Variants in HSF2 observed in about 807,000 individuals in gnomAD.
HSF2 encodes the protein heat shock transcription factor 2.
In HSF2, 21 loss-of-function variants were observed where a neutral mutation model predicts 65.0. The observed-to-expected ratio is 0.32, with a 90% CI of 0.23 to 0.47. The LOEUF is 0.47. Among genes scored for constraint, HSF2 ranks in the 20% least tolerant of loss-of-function variants. The pLI is 1.00. For missense variants in HSF2, 499 were observed against 628.1 expected, an observed-to-expected ratio of 0.79 and a Z score of 2.20; for synonymous variants, 225 against 219.1, an observed-to-expected ratio of 1.03 and a Z score of -0.24.
In HSF2 at chr6:122,422,790, T is replaced by C. The variant is rs140579788; in HGVS notation, c.903T>C (p.Ser301=). The C allele has an allele frequency of 6.6e-5, 106 of 1,613,356 alleles. 1 individual carries two copies. The African/African-American group carries it at 1.1e-3, about 17-fold the overall frequency. Residue 301 remains serine (S), a synonymous_variant, in exon 9 of 13, where the codon AGT becomes AGC. Coordinates refer to ENST00000368455, the MANE Select transcript of HSF2 (RefSeq NM_004506.4). The part of the protein sequence containing the change: ...NEDEYAPVIQ[S]GEQNEPARES... ...ATGAGTATGCACCTGTCATTCAGAG[T>C]GGAGAGCAGAATGAACCAGCCAGAG...
chr6:122,424,282 C>G (rs1229559254), intron 10 of HSF2, among the ~76,000 whole-genome samples: 3 of 152,040 alleles, frequency 2.0e-5, no homozygotes, highest in Non-Finnish European at 4.4e-5. Context: ...CTTGTTCCTG[C>G]TATTCCTCCC....
chr6:122,412,181 A>G (rs1191123937), intron 1 of HSF2, among the ~76,000 whole-genome samples, 192 bp from the exon 2 acceptor site: 2 of 151,974 alleles, frequency 1.3e-5, no homozygotes, highest in Non-Finnish European at 2.9e-5. Flanking sequence ...GTTGACATCA[A>G]AAAGCTTAGT....
chr6:122,407,638 C>T (rs1004005878), intron 1 of HSF2, among the ~76,000 whole-genome samples: 10 of 151,142 alleles, frequency 6.6e-5, no homozygotes, highest in African/African-American at 2.2e-4. Flanking sequence ...TCTACATATT[C>T]GAGTTTATGT....
chr6:122,406,030 T>C (rs1030151398), intron 1 of HSF2, among the ~76,000 whole-genome samples: 2 of 152,200 alleles, frequency 1.3e-5, no homozygotes, highest in African/African-American at 4.8e-5. Context: ...CTGCAGAAGC[T>C]TGCCAAGGAT....
At chr6:122,409,609 G>A (rs1336654720) in intron 1 of HSF2, among the ~76,000 whole-genome samples, 1 of 151,906 alleles carries the variant, frequency 6.6e-6, no homozygotes, top group African/African-American at 2.4e-5. Flanking sequence ...TATTGTCAAG[G>A]GTTGTAAATT....
intron 10 of HSF2, among the ~76,000 whole-genome samples, chr6:122,427,520 G>T (rs1432706329): frequency 6.6e-6 from 1 of 151,970 alleles, no homozygotes; most frequent in Non-Finnish European, 1.5e-5. Flanking sequence ...TTCAGTGAAG[G>T]CTCAGTGTCA....
Position 122,422,269 on chromosome 6 carries a change from T to A in HSF2, c.801T>A (p.Thr267=), listed in dbSNP as rs1453772394. The A allele has an allele frequency of 2.5e-6, 4 of 1,599,260 alleles. No individual in the cohort carries two copies. In the Admixed American group the frequency reaches 6.7e-5, roughly 27 times the overall value. The change falls in exon 8 of 13, where the codon ACT becomes ACA. Residue 267 remains threonine (T), a synonymous_variant. Transcript: ENST00000368455. The part of the protein sequence containing the change: ...DEENIPVIPE[T]NEDVISDPSN... Reference sequence around the variant, plus strand: ...AAAATATCCCAGTTATTCCAGAAACTAATGAGGATGTTATATCTGATCCCT... The same window carrying A: ...AAAATATCCCAGTTATTCCAGAAACAAATGAGGATGTTATATCTGATCCCT...
chr6:122,399,615 G>T (rs939059574), upstream of HSF2: 78 of 752,216 alleles, frequency 1.0e-4, 1 homozygote, highest in Non-Finnish European at 1.6e-4. Context: ...GGGTTGGGGG[G>T]GCGGGGACCA....
At chr6:122,410,525 A>G (rs1390118416) in intron 1 of HSF2, among the ~76,000 whole-genome samples, 1 of 151,824 alleles carries the variant, frequency 6.6e-6, no homozygotes, top group Non-Finnish European at 1.5e-5. Context: ...AACAATTTTT[A>G]TCTTTCCACA....
intron 1 of HSF2, among the ~76,000 whole-genome samples, chr6:122,405,031 C>G (rs147460125): frequency 7.9e-5 from 12 of 152,004 alleles, no homozygotes; most frequent in Non-Finnish European, 1.5e-4. Flanking sequence ...TCTGTTATGA[C>G]CTAATATTGT....
chr6:122,417,963 A>C (rs749081179), intron 5 of HSF2, among the ~76,000 whole-genome samples: 7 of 152,184 alleles, frequency 4.6e-5, no homozygotes, highest in Non-Finnish European at 8.8e-5. Flanking sequence ...CTCTTCAGTT[A>C]AAATGTCTAT....
chr6:122,404,508 A>C (rs1429736559), intron 1 of HSF2, among the ~76,000 whole-genome samples: 2 of 152,230 alleles, frequency 1.3e-5, no homozygotes, highest in African/African-American at 4.8e-5. Flanking sequence ...AGCAAGCCAC[A>C]AATTTCTGTT....
At chr6:122,423,843 G>C (rs1423123740) in intron 10 of HSF2, among the ~76,000 whole-genome samples, 157 bp downstream of exon 10, 1 of 152,100 alleles carries the variant, frequency 6.6e-6, no homozygotes, top group Non-Finnish European at 1.5e-5. Context: ...TGAAAAAATA[G>C]GTTTGGGACA....
intron 7 of HSF2, among the ~76,000 whole-genome samples, chr6:122,421,856 A>T (rs1191472810): frequency 1.3e-5 from 2 of 152,114 alleles, no homozygotes; most frequent in Non-Finnish European, 2.9e-5. Context: ...CATAAAAAAT[A>T]CTTTAAAATT....
chr6:122,402,429 T>C (rs1016053074), intron 1 of HSF2, among the ~76,000 whole-genome samples: 8 of 152,208 alleles, frequency 5.3e-5, no homozygotes, highest in Non-Finnish European at 1.0e-4. Flanking sequence ...GTTACTTTCA[T>C]CTTTCTCTTT....
chr6:122,431,900 AAGAGTGTTTTTCTGATCTTTATAGAT>A lies in HSF2; in HGVS notation c.1316-23_1318del. ...TGAACTCAGTATAAGCTGGTGATAA[AAGAGTGTTTTTCTGATCTTTATAGAT>A]AAGCAGCTTATCCAGTATACCGCCT... is the stretch of plus-strand genomic sequence containing the variant. On this transcript the variant is annotated splice_acceptor_variant and splice_polypyrimidine_tract_variant and coding_sequence_variant and intron_variant, in exon 13 of 13. Transcript: ENST00000368455. LOFTEE classifies it high-confidence loss of function. The A allele has an allele frequency of 6.3e-7, 1 of 1,594,602 alleles. No homozygotes were observed. Among genetic ancestry groups the A allele is most frequent in the Non-Finnish European group, 8.5e-7 (1 of 1,170,668 alleles).
intron 5 of HSF2, among the ~76,000 whole-genome samples, chr6:122,418,537 T>C (rs960307180): frequency 6.6e-6 from 1 of 152,232 alleles, no homozygotes; most frequent in African/African-American, 2.4e-5. Context: ...AAGATTAGCT[T>C]CCCTTGTCAG....
chr6:122,414,909 A>G (rs1177734282), intron 4 of HSF2, among the ~76,000 whole-genome samples: 1 of 152,178 alleles, frequency 6.6e-6, no homozygotes, highest in Non-Finnish European at 1.5e-5. Context: ...GAGCCACCGC[A>G]CCCAGCCCTA....
chr6:122,425,300 C>G (rs1321647531), intron 10 of HSF2, among the ~76,000 whole-genome samples: 3 of 151,874 alleles, frequency 2.0e-5, no homozygotes, highest in Non-Finnish European at 2.9e-5. Context: ...CTCTGCACTG[C>G]CTGTGTTGTC....
Sources: allele counts gnomAD v4.1 joint callset (sites outside exome capture counted in the v4.1 genomes callset), GRCh38; gene constraint gnomAD v4.1.1; transcripts MANE v1.5; gene names NCBI Gene and HGNC (gene_info 2026-07-23, HGNC 2026-07-21).